ITSN2: variants seen among roughly 807,000 people sequenced by gnomAD.
The protein encoded by ITSN2 is intersectin 2.
A neutral mutation model predicts 243.7 loss-of-function variants in ITSN2; 156 were observed. The ratio of observed to expected loss-of-function variants is 0.64; its 90% CI spans 0.56 to 0.73. The LOEUF (loss-of-function observed/expected upper bound fraction) is 0.73, where lower values mean the gene tolerates loss of function less well. Ranked by LOEUF, ITSN2 falls within the 30% of genes least tolerant of loss-of-function variation. The pLI, the probability that ITSN2 is intolerant of heterozygous loss-of-function variation, is 0.00. For missense variants in ITSN2, 1,801 were observed against 1,996.1 expected (o/e 0.90, Z 1.86); for synonymous variants, 703 against 699.9 (o/e 1.00, Z -0.07).
intron 30 of ITSN2, chr2:24,220,540 C>G: frequency 2.0e-6 from 2 of 1,019,594 alleles, no homozygotes; most frequent in Non-Finnish European, 2.3e-6. Context: ...TCCAGAGATA[C>G]CAGTTTATGA....
intron 1 of ITSN2, among the ~76,000 whole-genome samples, chr2:24,346,048 C>A (rs185841417): frequency 3.1e-4 from 47 of 152,272 alleles, no homozygotes; most frequent in African/African-American, 1.1e-3. Context: ...TCTACCACCA[C>A]CACTTGCGAT....
chr2:24,328,322 A>AG (rs779576807), intron 1 of ITSN2, among the ~76,000 whole-genome samples: 8 of 152,214 alleles, frequency 5.3e-5, no homozygotes, highest in Non-Finnish European at 8.8e-5. Flanking sequence ...GCCTTAATAC[A>AG]GAAAAACAGT....
At chr2:24,286,165 G>A in intron 16 of ITSN2, 47 bp downstream of exon 16, 1 of 1,121,064 alleles carries the variant, frequency 8.9e-7, no homozygotes, top group Non-Finnish European at 1.3e-6. Flanking sequence ...AAATAATGAA[G>A]GTAAGAAGGC....
chr2:24,336,085 C>T (rs2151882518), intron 1 of ITSN2, among the ~76,000 whole-genome samples: 1 of 151,028 alleles, frequency 6.6e-6, no homozygotes, highest in Admixed American at 6.6e-5. Flanking sequence ...ACTAAAAATA[C>T]AAAAAAATTA....
chr2:24,340,889 AC>A (rs1686986785), intron 1 of ITSN2, among the ~76,000 whole-genome samples: 1 of 152,100 alleles, frequency 6.6e-6, no homozygotes, highest in Non-Finnish European at 1.5e-5. Flanking sequence ...ATATAAGAAG[AC>A]TGGTCTTTTA....
Position 24,261,247 on chromosome 2 carries a change from T to C in ITSN2, c.2541A>G (p.Pro847=), listed in dbSNP as rs753683197. ...CTGATGCTGGTTGATTTGAAGAAAGTGGTCTGCAAATATAACACTTTGATA... is the reference window on the plus strand; with the variant it reads ...CTGATGCTGGTTGATTTGAAGAAAGCGGTCTGCAAATATAACACTTTGATA... ...SLSATSTSSE[P]LSSNQPASVT... is the part of the protein sequence containing the mutation. The change falls in exon 22 of 40, where the codon CCA becomes CCG. Residue 847 remains proline (P), a synonymous_variant. Coordinates refer to ENST00000355123, the MANE Select transcript of ITSN2 (RefSeq NM_006277.3). 1.6e-5 allele frequency: 25 copies of C among 1,608,082 alleles called. No homozygotes were observed. The highest frequency in any genetic ancestry group is 2.0e-5 in the Non-Finnish European group (24 of 1,175,320).
At chr2:24,359,904 G>C (rs1315193757) in intron 1 of ITSN2, among the ~76,000 whole-genome samples, 1 of 152,092 alleles carries the variant, frequency 6.6e-6, no homozygotes, top group Non-Finnish European at 1.5e-5. Context: ...ATGGGTCCCC[G>C]AGGAGGCGTG....
At chr2:24,360,099 A>G (rs1471037697) in intron 1 of ITSN2, among the ~76,000 whole-genome samples, 2 of 152,012 alleles carry the variant, frequency 1.3e-5, no homozygotes, top group African/African-American at 4.8e-5. Context: ...CAGCAGAGGA[A>G]GGAACCCGGG....
rs373212088 is a variant in ITSN2 at position 24,203,635 on chromosome 2, A to G, written c.5085T>C (p.Thr1695=). ...CTGTCCTTTAGAACCCCTACAGGAG[A>G]GTTTTTTGCTCAAAAAGCTGCAGGT... ...RFDLQLFEQK[T]LL The change falls in exon 40 of 40, where the codon ACT becomes ACC. Residue 1695 remains threonine, a synonymous_variant. Coordinates refer to ENST00000355123, the MANE Select transcript of ITSN2 (RefSeq NM_006277.3). The G allele has an allele frequency of 1.2e-6, 2 of 1,613,608 alleles. No homozygotes were observed. The highest frequency in any genetic ancestry group is 1.3e-5 in the African/African-American group (1 of 74,868).
At chr2:24,318,411 C>G (rs540985286) in intron 2 of ITSN2, among the ~76,000 whole-genome samples, 1 of 152,280 alleles carries the variant, frequency 6.6e-6, no homozygotes, top group East Asian at 1.9e-4. Context: ...CTCCCATAAT[C>G]TGTGTCATGT....
chr2:24,290,845 A>G (rs1447536935), intron 15 of ITSN2, among the ~76,000 whole-genome samples: 3 of 152,116 alleles, frequency 2.0e-5, no homozygotes, highest in Admixed American at 2.0e-4. Context: ...TCAATAACAC[A>G]CTATTTTAGG....
intron 29 of ITSN2, among the ~76,000 whole-genome samples, chr2:24,238,326 C>A (rs1219699957): frequency 6.6e-6 from 1 of 152,158 alleles, no homozygotes; most frequent in Non-Finnish European, 1.5e-5. Flanking sequence ...TATGTAAACA[C>A]TTCATACATG....
At chr2:24,288,253 T>A (rs2151574307) in intron 15 of ITSN2, among the ~76,000 whole-genome samples, 1 of 152,204 alleles carries the variant, frequency 6.6e-6, no homozygotes, top group South Asian at 2.1e-4. Context: ...GTTTTCCCAA[T>A]ACCATTTATC....
At chr2:24,301,714 C>T (rs907034852) in intron 10 of ITSN2, among the ~76,000 whole-genome samples, 1 of 151,868 alleles carries the variant, frequency 6.6e-6, no homozygotes, top group African/African-American at 2.4e-5. Flanking sequence ...TTTGTAGATA[C>T]GGGGTCTCAC....
At chr2:24,216,974 C>T (rs535845042) in intron 31 of ITSN2, among the ~76,000 whole-genome samples, 123 of 151,972 alleles carry the variant, frequency 8.1e-4, no homozygotes, top group African/African-American at 2.8e-3. Context: ...ATCCCAGCTA[C>T]TCGGGAGGCT....
intron 12 of ITSN2, 145 bp downstream of exon 12, chr2:24,299,764 A>C: frequency 1.4e-6 from 1 of 693,150 alleles, no homozygotes. Context: ...GGAAGGAATG[A>C]TCAGATTTGT....
At chr2:24,205,420 C>G (rs1377639525) in intron 37 of ITSN2, 123 bp from the exon 38 acceptor site, 6 of 771,020 alleles carry the variant, frequency 7.8e-6, no homozygotes, top group Non-Finnish European at 4.4e-6. Context: ...GCCCAACAGC[C>G]CAGCATCTGG....
intron 10 of ITSN2, 82 bp downstream of exon 10, chr2:24,301,883 G>A: frequency 8.0e-7 from 1 of 1,248,258 alleles, no homozygotes; most frequent in Non-Finnish European, 1.1e-6. Context: ...AAAATCAATG[G>A]CAGTGCAAAT....
chr2:24,255,706 C>A (rs1167427435), intron 23 of ITSN2, among the ~76,000 whole-genome samples: 1 of 152,070 alleles, frequency 6.6e-6, no homozygotes, highest in African/African-American at 2.4e-5. Flanking sequence ...GCAGGCAGAT[C>A]ACCTGAGGTC....
Sources: allele counts gnomAD v4.1 joint callset (sites outside exome capture counted in the v4.1 genomes callset), GRCh38; gene constraint gnomAD v4.1.1; transcripts MANE v1.5; gene names NCBI Gene and HGNC (gene_info 2026-07-23, HGNC 2026-07-21).